PPP2R2B: variants seen among roughly 807,000 people sequenced by gnomAD.
The protein encoded by PPP2R2B is serine/threonine-protein phosphatase 2A 55 kDa regulatory subunit B beta isoform.
Under a neutral mutation model 46.0 loss-of-function variants are expected in PPP2R2B, and 5 were observed. The observed-to-expected ratio is 0.11, with a 90% CI of 0.06 to 0.23. PPP2R2B has a LOEUF of 0.23. Among genes scored for constraint, PPP2R2B ranks in the 10% least tolerant of loss-of-function variants. The pLI is 1.00. For synonymous variants in PPP2R2B, 215 were observed against 206.7 expected (o/e 1.04, Z -0.34); for missense variants, 367 against 575.0 (o/e 0.64, Z 3.70).
In PPP2R2B at chr5:146,590,208, G is replaced by A. The variant is rs1163248758; in HGVS notation, c.1071C>T (p.Ser357=). 6.2e-7 allele frequency: 1 copy of A among 1,613,918 alleles called. No homozygotes were observed. Among genetic ancestry groups the A allele is most frequent in the Non-Finnish European group, 8.5e-7 (1 of 1,180,010 alleles). The change falls in exon 10 of 10, where the codon TCC becomes TCT. Residue 357 remains serine, a synonymous_variant. Coordinates refer to ENST00000394411, the MANE Select transcript of PPP2R2B (RefSeq NM_181675.4). ...CGAACATCCTGAAGAAGTTGTTGTA[G>A]GAGCCTGTCATGATGACACTGCAAG... The part of the protein sequence containing the change: ...NGSDSVIMTG[S]YNNFFRMFDR...
chr5:146,650,054 A>T (rs2151093315), intron 6 of PPP2R2B, among the ~76,000 whole-genome samples: 1 of 152,322 alleles, frequency 6.6e-6, no homozygotes, highest in South Asian at 2.1e-4. Context: ...TTCTATATGC[A>T]TAATATACTT....
At chr5:147,042,820 T>C (rs1408624337) in intron 1 of PPP2R2B, among the ~76,000 whole-genome samples, 2 of 151,986 alleles carry the variant, frequency 1.3e-5, no homozygotes, top group South Asian at 2.1e-4. Context: ...TGTAGGATGA[T>C]TGTGCAAAGA....
chr5:146,937,316 G>A (rs1449966924), intron 1 of PPP2R2B, among the ~76,000 whole-genome samples: 1 of 150,482 alleles, frequency 6.6e-6, no homozygotes, highest in Non-Finnish European at 1.5e-5. Flanking sequence ...AAAAAAAAAA[G>A]GGGGGTTACT....
At chr5:147,053,831 T>C (rs1476146647) in intron 1 of PPP2R2B, among the ~76,000 whole-genome samples, 1 of 152,202 alleles carries the variant, frequency 6.6e-6, no homozygotes, top group African/African-American at 2.4e-5. Context: ...TAGATAAAAC[T>C]GGGCATAGAG....
intron 1 of PPP2R2B, among the ~76,000 whole-genome samples, chr5:147,053,292 T>C (rs1756921471): frequency 6.6e-6 from 1 of 151,626 alleles, no homozygotes; most frequent in African/African-American, 2.4e-5. Flanking sequence ...CAAGGAGAAG[T>C]TGGGAAGACA....
At chr5:146,698,636 T>C (rs926269874) in intron 3 of PPP2R2B, among the ~76,000 whole-genome samples, 12 of 151,894 alleles carry the variant, frequency 7.9e-5, no homozygotes, top group African/African-American at 2.9e-4. Flanking sequence ...ATGAAATCTC[T>C]GAGGTAGGGT....
intron 2 of PPP2R2B, among the ~76,000 whole-genome samples, chr5:146,804,158 C>G (rs950895184): frequency 6.7e-6 from 1 of 150,164 alleles, no homozygotes; most frequent in Non-Finnish European, 1.5e-5. Flanking sequence ...CAGAGGGAGA[C>G]TCTGTCTCAA....
intron 5 of PPP2R2B, among the ~76,000 whole-genome samples, chr5:146,687,100 G>A (rs1227529535): frequency 1.3e-5 from 2 of 151,568 alleles, no homozygotes; most frequent in Non-Finnish European, 2.9e-5. Flanking sequence ...GAGGAAGAGA[G>A]GGAGAGGGAG....
intron 2 of PPP2R2B, among the ~76,000 whole-genome samples, chr5:146,755,347 T>C (rs1183224552): frequency 2.6e-5 from 4 of 152,244 alleles, no homozygotes; most frequent in African/African-American, 9.6e-5. Context: ...AGGTTTACCT[T>C]TGATCACCTT....
chr5:146,955,119 C>A (rs183591033), intron 1 of PPP2R2B, among the ~76,000 whole-genome samples: 3 of 152,056 alleles, frequency 2.0e-5, no homozygotes, highest in Non-Finnish European at 4.4e-5. Flanking sequence ...ATAATTTAAA[C>A]ATAAGCAGTC....
chr5:146,992,325 G>C (rs1442618182), intron 1 of PPP2R2B, among the ~76,000 whole-genome samples: 1 of 152,178 alleles, frequency 6.6e-6, no homozygotes, highest in Non-Finnish European at 1.5e-5. Context: ...ATTTCTAAAA[G>C]ATATTTTCAC....
intron 2 of PPP2R2B, among the ~76,000 whole-genome samples, chr5:146,749,087 A>G (rs1273608538): frequency 1.3e-5 from 2 of 152,154 alleles, no homozygotes; most frequent in Non-Finnish European, 2.9e-5. Context: ...TATTGCTACC[A>G]TTTCATTTTA....
At chr5:146,610,167 C>T (rs1280645793) in intron 7 of PPP2R2B, among the ~76,000 whole-genome samples, 1 of 42,596 alleles carries the variant, frequency 2.3e-5, no homozygotes, top group East Asian at 9.8e-4. Context: ...GGCAGACTGC[C>T]TCCTCAAGTG....
At chr5:146,784,246 A>G (rs1462815056) in intron 2 of PPP2R2B, among the ~76,000 whole-genome samples, 1 of 152,258 alleles carries the variant, frequency 6.6e-6, no homozygotes, top group African/African-American at 2.4e-5. Flanking sequence ...GAAACAAAAC[A>G]AAACAAAAAT....
At chr5:146,684,637 T>C (rs1778378275) in intron 5 of PPP2R2B, among the ~76,000 whole-genome samples, 1 of 152,174 alleles carries the variant, frequency 6.6e-6, no homozygotes, top group South Asian at 2.1e-4. Context: ...ATGCCCAACA[T>C]GAAAGCCCAT....
At position 146,587,067 on chromosome 5, in the gene PPP2R2B, A is replaced by G. The variant is rs1327149931; in HGVS notation, c.*2880T>C. The G allele has an allele frequency of 6.6e-6, 1 of 152,172 alleles. No homozygotes were observed. The highest frequency in any genetic ancestry group is 1.5e-5 in the Non-Finnish European group (1 of 68,034). The allele number at this position is 152,172 out of a possible 1,614,324, so 9.4% of individuals were successfully genotyped here. On this transcript the variant is annotated 3_prime_UTR_variant, in exon 10 of 10. Coordinates refer to ENST00000394411, the MANE Select transcript of PPP2R2B (RefSeq NM_181675.4). ...ACCAAGCAGCAGGCCTTGTGGGGTA[A>G]AGTAGTATAGGGCCCTTAGAATCGA...
chr5:146,938,751 C>CTTTTTTTT lies in PPP2R2B; in HGVS notation c.79+116906_79+116913dup. ...GGAAAACTACTGGTTAGATAATAGCCTTTTTTTTTTTTTTTTTTTTTTTTT... is the reference window on the plus strand; with the variant it reads ...GGAAAACTACTGGTTAGATAATAGCCTTTTTTTTTTTTTTTTTTTTTTTTTTTTTTTTT... On this transcript the variant is annotated intron_variant, in intron 1 of 8. Coordinates refer to the PPP2R2B transcript ENST00000336640. Among the ~76,000 whole-genome samples the CTTTTTTTT allele has an allele frequency of 3.0e-5, 2 of 65,926 alleles. 1 individual carries two copies. The highest frequency in any genetic ancestry group is 5.3e-5 in the Non-Finnish European group (2 of 37,732). 43.3% of individuals were successfully genotyped at this position (65,926 alleles called of 152,430 possible).
At chr5:146,732,841 C>T (rs1036207485) in intron 2 of PPP2R2B, among the ~76,000 whole-genome samples, 1 of 152,174 alleles carries the variant, frequency 6.6e-6, no homozygotes, top group African/African-American at 2.4e-5. Context: ...TCCATATAGA[C>T]TGTAGCTGGG....
At position 146,691,743 on chromosome 5, in the gene PPP2R2B, T is replaced by C. The variant is rs113505349; in HGVS notation, c.335-503A>G. On this transcript the variant is annotated intron_variant, in intron 4 of 9. Coordinates refer to ENST00000394411, the MANE Select transcript of PPP2R2B (RefSeq NM_181675.4). ...TCCACCTTTCTGACCCCCCTGTCCATCCTCTCCCTGCTCACTCACTGTGCT... is the reference window on the plus strand; with the variant it reads ...TCCACCTTTCTGACCCCCCTGTCCACCCTCTCCCTGCTCACTCACTGTGCT... Among the ~76,000 whole-genome samples the C allele has an allele frequency of 2.9e-3, 435 of 152,254 alleles. 6 individuals carry two copies. Among genetic ancestry groups the C allele is most frequent in the East Asian group, 0.025 (128 of 5,170 alleles).
Sources: gnomAD v4.1 joint callset for allele counts (sites outside exome capture counted in the v4.1 genomes callset) on GRCh38, gnomAD v4.1.1 for gene constraint, MANE v1.5 for transcripts, NCBI Gene and HGNC (gene_info 2026-07-23, HGNC 2026-07-21) for gene names.